Variants in SCARB2 observed in about 807,000 individuals in gnomAD.
SCARB2 encodes scavenger receptor class B member 2.
A neutral mutation model predicts 58.6 loss-of-function variants in SCARB2; 29 were observed. The observed-to-expected ratio is 0.49, with a 90% confidence interval of 0.37 to 0.67. The LOEUF (loss-of-function observed/expected upper bound fraction) is 0.67, where lower values mean the gene tolerates loss of function less well. Ranked by LOEUF, SCARB2 falls within the 30% of genes least tolerant of loss-of-function variation. The pLI is 0.00. For synonymous variants in SCARB2, 195 were observed against 210.1 expected (o/e 0.93, Z 0.62); for missense variants, 488 against 578.5 (o/e 0.84, Z 1.60).
At position 76,160,598 on chromosome 4, in the gene SCARB2, G is replaced by A. The variant is rs1331951242; in HGVS notation, c.*1115C>T. ...TATAGGGCACACGTTTCTCTATTCA[G>A]TGAGTGACAGTGAGCTACAAAACAC... On this transcript the variant is annotated 3_prime_UTR_variant, in exon 12 of 12. Transcript: ENST00000264896. 1 of 152,194 alleles carries A rather than the reference G, an allele frequency of 6.6e-6. No homozygotes were observed. Among genetic ancestry groups the A allele is most frequent in the African/African-American group, 2.4e-5 (1 of 41,452 alleles). The allele number at this position is 152,194 out of a possible 1,614,324, so 9.4% of individuals were successfully genotyped here. A position where few individuals can be genotyped will look rare whatever the true frequency, so the allele number is the denominator to read the frequency against.
rs767397350 is a variant in SCARB2 at position 76,195,744 on chromosome 4, T to G, written c.238A>C (p.Thr80Pro). ...GGCCCCACTTCTTCCACCCGAGGGG[T>G]CTCCCCTCTGAGGATCTCCTCTGGA... is the stretch of plus-strand genomic sequence containing the variant. The part of the protein sequence containing the change: ...TNPEEILRGE[T>P]PRVEEVGPYT... The change falls in exon 2 of 12, where the codon ACC (threonine) becomes CCC (proline). Residue 80 changes from threonine (T) to proline (P), a missense_variant. Coordinates refer to ENST00000264896, the MANE Select transcript of SCARB2 (RefSeq NM_005506.4). 20 of 1,613,598 alleles carry G rather than the reference T, an allele frequency of 1.2e-5. No homozygotes were observed. Among genetic ancestry groups the G allele is most frequent in the Non-Finnish European group, 1.7e-5 (20 of 1,179,770 alleles).
At chr4:76,217,935 T>G (rs537565413), upstream of SCARB2, among the ~76,000 whole-genome samples, 1 of 152,382 alleles carries the variant, frequency 6.6e-6, no homozygotes, top group East Asian at 1.9e-4. Context: ...GGCTCTACCT[T>G]AAATTTAGAA....
intron 1 of SCARB2, among the ~76,000 whole-genome samples, chr4:76,206,051 G>C (rs1732924814): frequency 6.6e-6 from 1 of 152,156 alleles, no homozygotes; most frequent in African/African-American, 2.4e-5. Flanking sequence ...CTTTGGAGGT[G>C]ATTAGGTCAC....
chr4:76,205,721 C>T (rs1732917323), intron 1 of SCARB2, among the ~76,000 whole-genome samples: 1 of 152,142 alleles, frequency 6.6e-6, no homozygotes, highest in Non-Finnish European at 1.5e-5. Context: ...TGGGTTTGTA[C>T]ATTTGTTTGC....
intron 6 of SCARB2, chr4:76,175,331 T>C (rs1307178829): frequency 5.2e-6 from 1 of 190,978 alleles, no homozygotes; most frequent in Non-Finnish European, 1.1e-5. Context: ...GGCTTCCATG[T>C]AGAGACTACC....
At chr4:76,207,830 C>A (rs1732959499) in intron 1 of SCARB2, among the ~76,000 whole-genome samples, 1 of 152,150 alleles carries the variant, frequency 6.6e-6, no homozygotes. Flanking sequence ...ATTTATTTAA[C>A]AATAAAGCAA....
At chr4:76,178,555 G>A (rs1208031342) in intron 4 of SCARB2, among the ~76,000 whole-genome samples, 1 of 152,172 alleles carries the variant, frequency 6.6e-6, no homozygotes, top group African/African-American at 2.4e-5. Flanking sequence ...TCAGTAGGAG[G>A]CTCTCCTGAA....
At chr4:76,202,668 TA>T (rs1560719132) in intron 1 of SCARB2, among the ~76,000 whole-genome samples, 118 of 152,368 alleles carry the variant, frequency 7.7e-4, no homozygotes, top group African/African-American at 2.8e-3. Flanking sequence ...GAACAAAATT[TA>T]AATCCCCTGT....
chr4:76,212,284 C>A (rs962675933), intron 1 of SCARB2, among the ~76,000 whole-genome samples: 1 of 152,096 alleles, frequency 6.6e-6, no homozygotes, highest in African/African-American at 2.4e-5. Context: ...AGACAGTGGG[C>A]CTTGTCTTCC....
chr4:76,167,338 G>T (rs1045264503), intron 9 of SCARB2, among the ~76,000 whole-genome samples: 1 of 152,140 alleles, frequency 6.6e-6, no homozygotes, highest in South Asian at 2.1e-4. Context: ...GGTGGGGCTT[G>T]GTAGGCAGTG....
At position 76,181,001 on chromosome 4, in the gene SCARB2, C is replaced by T. The variant is rs745713456; in HGVS notation, c.376G>A (p.Gly126Arg). 6.2e-7 allele frequency: 1 copy of T among 1,613,524 alleles called. No homozygotes were observed. The highest frequency in any genetic ancestry group is 8.5e-7 in the Non-Finnish European group (1 of 1,179,772). Residue 126 changes from glycine to arginine, a missense_variant, in exon 3 of 12, where the codon GGA (glycine) becomes AGA (arginine). Coordinates refer to ENST00000264896, the MANE Select transcript of SCARB2 (RefSeq NM_005506.4). ...CTAATTAAGTCAATTTTAGGGTCTC[C>T]AACAGATTGGTCTCGTTCAAAAACA... Reference protein sequence around the residue: ...AYVFERDQSVGDPKIDLIRTL... With the variant: ...AYVFERDQSVRDPKIDLIRTL...
intron 1 of SCARB2, among the ~76,000 whole-genome samples, chr4:76,208,211 A>T (rs1308408507): frequency 6.6e-6 from 1 of 152,184 alleles, no homozygotes; most frequent in Non-Finnish European, 1.5e-5. Context: ...TATGCTGACA[A>T]CTGTTAGCCT....
At chr4:76,215,941 CAGT>C (rs1431700443), upstream of SCARB2, among the ~76,000 whole-genome samples, 1 of 152,168 alleles carries the variant, frequency 6.6e-6, no homozygotes, top group African/African-American at 2.4e-5. Flanking sequence ...GTAGGTTACT[CAGT>C]AGATAACTGG....
chr4:76,200,692 C>T (rs1732811910), intron 1 of SCARB2, among the ~76,000 whole-genome samples: 1 of 152,180 alleles, frequency 6.6e-6, no homozygotes, highest in Admixed American at 6.5e-5. Context: ...TATTTAGATC[C>T]TTCCAGTAGC....
chr4:76,215,921 T>G (rs1295536006), upstream of SCARB2, among the ~76,000 whole-genome samples: 1 of 151,958 alleles, frequency 6.6e-6, no homozygotes, highest in Non-Finnish European at 1.5e-5. Context: ...AGCCACTGAG[T>G]GTTGGTGTGG....
intron 2 of SCARB2, 102 bp from the exon 3 acceptor site, chr4:76,181,203 C>A (rs1732376442): frequency 8.5e-7 from 1 of 1,169,988 alleles, no homozygotes; most frequent in Non-Finnish European, 1.2e-6. Flanking sequence ...ATATAACATT[C>A]CCAATATAAC....
At chr4:76,177,937 T>G (rs1413689020) in intron 4 of SCARB2, among the ~76,000 whole-genome samples, 1 of 152,142 alleles carries the variant, frequency 6.6e-6, no homozygotes, top group Non-Finnish European at 1.5e-5. Flanking sequence ...ATAATGAAAA[T>G]GTTCTGGAAT....
At position 76,213,626 on chromosome 4, in the gene SCARB2, C is replaced by A; in HGVS notation, c.-83G>T. On this transcript the variant is annotated 5_prime_UTR_variant, in exon 1 of 12. Coordinates refer to ENST00000264896, the MANE Select transcript of SCARB2 (RefSeq NM_005506.4). Reference sequence around the variant, plus strand: ...GAGGGAGGAGCCGCCGCAGAGGCGTCGAAGACCCGGGACCCTTCGGCGCCA... The same window carrying A: ...GAGGGAGGAGCCGCCGCAGAGGCGTAGAAGACCCGGGACCCTTCGGCGCCA... The A allele has an allele frequency of 8.8e-7, 1 of 1,140,358 alleles. No individual in the cohort carries two copies. The highest frequency in any genetic ancestry group is 1.3e-6 in the Non-Finnish European group (1 of 768,334). 70.6% of individuals were successfully genotyped at this position (1,140,358 alleles called of 1,614,324 possible).
intron 1 of SCARB2, among the ~76,000 whole-genome samples, chr4:76,222,922 G>T (rs568494759): frequency 1.1e-4 from 17 of 152,178 alleles, no homozygotes; most frequent in Non-Finnish European, 7.3e-5. Context: ...GAAAGGCAGG[G>T]GGGGAAGAGG....
Sources: gnomAD v4.1 joint callset for allele counts (sites outside exome capture counted in the v4.1 genomes callset) on GRCh38, gnomAD v4.1.1 for gene constraint, MANE v1.5 for transcripts, NCBI Gene and HGNC (gene_info 2026-07-23, HGNC 2026-07-21) for gene names.